Variants in RFX7 observed in about 807,000 individuals in gnomAD.
The protein encoded by RFX7 is regulatory factor X7.
Under a neutral mutation model 111.8 loss-of-function variants are expected in RFX7, and 26 were observed. The ratio of observed to expected loss-of-function variants is 0.23; its 90% CI spans 0.17 to 0.32. The LOEUF (loss-of-function observed/expected upper bound fraction) is 0.32. Ranked by LOEUF, RFX7 falls within the 10% of genes least tolerant of loss-of-function variation. The pLI, the probability that RFX7 is intolerant of heterozygous loss-of-function variation, is 1.00. For synonymous variants in RFX7, 624 were observed against 624.4 expected, an observed-to-expected ratio of 1.00 and a Z score of 0.01; for missense variants, 1,573 against 1,772.9, an observed-to-expected ratio of 0.89 and a Z score of 2.02.
chr15:56,140,438 G>T (rs1012482585), intron 5 of RFX7, among the ~76,000 whole-genome samples: 1 of 152,216 alleles, frequency 6.6e-6, no homozygotes, highest in Admixed American at 6.5e-5. Flanking sequence ...GACCCCTTGC[G>T]CTTCCCAAGT....
At chr15:56,148,470 C>G (rs533722473) in intron 3 of RFX7, among the ~76,000 whole-genome samples, 38 of 152,254 alleles carry the variant, frequency 2.5e-4, no homozygotes, top group Admixed American at 2.3e-3. Flanking sequence ...ATTATGTGAT[C>G]AAGGGGAAAA....
At chr15:56,206,996 A>G (rs570279484) in intron 2 of RFX7, among the ~76,000 whole-genome samples, 151 of 152,298 alleles carry the variant, frequency 9.9e-4, no homozygotes, top group Non-Finnish European at 1.9e-3. Flanking sequence ...AAAAATCACT[A>G]AAGTATGACT....
rs1461880134 is a variant in RFX7 at position 56,090,246 on chromosome 15, CTA to C, written c.*3097_*3098del. On this transcript the variant is annotated 3_prime_UTR_variant, in exon 10 of 10. Coordinates refer to ENST00000559447, the MANE Select transcript of RFX7 (RefSeq NM_022841.7). Reference sequence around the variant, plus strand: ...TACTCCATAGGCTAACATTTAAACACTATGTGAAAGAGAAAAAGATGGCTTTT... The same window carrying C: ...TACTCCATAGGCTAACATTTAAACACTGTGAAAGAGAAAAAGATGGCTTTT... 4.6e-5 allele frequency: 7 copies of C among 152,296 alleles called. No individual in the cohort carries two copies. Among genetic ancestry groups the C allele is most frequent in the Admixed American group, 2.6e-4 (4 of 15,300 alleles). The allele number at this position is 152,296 out of a possible 1,614,324, so 9.4% of individuals were successfully genotyped here.
intron 5 of RFX7, among the ~76,000 whole-genome samples, chr15:56,104,376 G>A (rs1349939104): frequency 6.6e-6 from 1 of 152,166 alleles, no homozygotes; most frequent in East Asian, 1.9e-4. Context: ...TCCTCTACCA[G>A]TTCAGCAGCA....
At chr15:56,189,499 CA>C (rs1326252381) in intron 2 of RFX7, among the ~76,000 whole-genome samples, 1 of 151,264 alleles carries the variant, frequency 6.6e-6, no homozygotes, top group Non-Finnish European at 1.5e-5. Flanking sequence ...ACATATCTGA[CA>C]AAAGACTTAT....
chr15:56,214,432 T>C (rs975897589), intron 2 of RFX7, among the ~76,000 whole-genome samples: 3 of 152,154 alleles, frequency 2.0e-5, no homozygotes, highest in Non-Finnish European at 2.9e-5. Flanking sequence ...TCTCCTATAA[T>C]AGGTCAGGCG....
At chr15:56,218,766 G>A (rs2043394614) in intron 2 of RFX7, among the ~76,000 whole-genome samples, 2 of 152,162 alleles carry the variant, frequency 1.3e-5, no homozygotes, top group African/African-American at 4.8e-5. Flanking sequence ...AATACATTGT[G>A]CTTTATGTAC....
At chr15:56,116,169 A>C (rs1406760915) in intron 5 of RFX7, among the ~76,000 whole-genome samples, 1 of 152,226 alleles carries the variant, frequency 6.6e-6, no homozygotes, top group Non-Finnish European at 1.5e-5. Context: ...GTAAAAGGAT[A>C]AATTCAAATT....
At chr15:56,166,186 G>T (rs1403107435) in intron 3 of RFX7, among the ~76,000 whole-genome samples, 1 of 152,174 alleles carries the variant, frequency 6.6e-6, no homozygotes, top group Non-Finnish European at 1.5e-5. Context: ...ATGAGCCACG[G>T]CAACCAGCCT....
intron 2 of RFX7, among the ~76,000 whole-genome samples, chr15:56,231,756 A>T (rs755381955): frequency 6.6e-6 from 1 of 152,190 alleles, no homozygotes; most frequent in Non-Finnish European, 1.5e-5. Flanking sequence ...ACCCAAGACA[A>T]GGCAAATCCC....
At chr15:56,163,260 C>T (rs1031809789) in intron 3 of RFX7, among the ~76,000 whole-genome samples, 3 of 152,038 alleles carry the variant, frequency 2.0e-5, no homozygotes, top group African/African-American at 7.2e-5. Flanking sequence ...CTCTGGAGGG[C>T]AGGAAAGTAA....
At chr15:56,234,423 A>C (rs975134306) in intron 2 of RFX7, among the ~76,000 whole-genome samples, 6 of 152,208 alleles carry the variant, frequency 3.9e-5, no homozygotes, top group African/African-American at 1.2e-4. Flanking sequence ...GTACATGTAG[A>C]ATCTGCCTAA....
At position 56,214,714 on chromosome 15, in the gene RFX7, C is replaced by CAA. The variant is rs527416979; in HGVS notation, c.161+28409_161+28410dup. ...TGGGCAAAAGAGCGAGACTCTGTCT[C>CAA]AAAAAAAAAAAAAAAAAAATTCTAG... On this transcript the variant is annotated intron_variant, in intron 2 of 9. Transcript: ENST00000559447. Among the ~76,000 whole-genome samples, 525 of 86,908 alleles carry CAA rather than the reference C, an allele frequency of 6.0e-3. 11 individuals are homozygous for CAA. Among genetic ancestry groups the CAA allele is most frequent in the African/African-American group, 0.024 (498 of 21,022 alleles). 57.0% of individuals were successfully genotyped at this position (86,908 alleles called of 152,430 possible).
At chr15:56,140,796 T>A (rs1299007826) in intron 5 of RFX7, among the ~76,000 whole-genome samples, 1 of 152,220 alleles carries the variant, frequency 6.6e-6, no homozygotes, top group African/African-American at 2.4e-5. Flanking sequence ...TTTATGGGAA[T>A]CTTTGAAAAA....
At position 56,217,513 on chromosome 15, in the gene RFX7, C is replaced by T. The variant is rs544089185; in HGVS notation, c.161+25612G>A. ...TACTCTGAATTTGTGTGATTGCTTT[C>T]TCTTGATGTCATAAAGGAATGCATG... is the stretch of plus-strand genomic sequence containing the variant. On this transcript the variant is annotated intron_variant, in intron 2 of 9. Coordinates refer to ENST00000559447, the MANE Select transcript of RFX7 (RefSeq NM_022841.7). Among the ~76,000 whole-genome samples, 16 of 149,982 alleles carry T rather than the reference C, an allele frequency of 1.1e-4. No individual in the cohort carries two copies. In the South Asian group the frequency reaches 2.5e-3, roughly 24 times the overall value.
chr15:56,214,511 C>A (rs560234709), intron 2 of RFX7, among the ~76,000 whole-genome samples: 1 of 151,140 alleles, frequency 6.6e-6, no homozygotes, highest in African/African-American at 2.4e-5. Flanking sequence ...GTCAGGAGAT[C>A]GAGACCATCC....
At chr15:56,115,332 C>T (rs1388217044) in intron 5 of RFX7, among the ~76,000 whole-genome samples, 1 of 152,156 alleles carries the variant, frequency 6.6e-6, no homozygotes, top group African/African-American at 2.4e-5. Context: ...CTGTGCCCAG[C>T]TAAAATAACT....
intron 4 of RFX7, among the ~76,000 whole-genome samples, chr15:56,143,634 AGCT>A (rs1383821161): frequency 2.0e-5 from 3 of 152,204 alleles, no homozygotes; most frequent in Non-Finnish European, 4.4e-5. Flanking sequence ...CATCCATCTC[AGCT>A]ATCTGTAAGA....
chr15:56,240,127 A>T (rs1435621569), intron 2 of RFX7, among the ~76,000 whole-genome samples: 1 of 151,818 alleles, frequency 6.6e-6, no homozygotes, highest in Non-Finnish European at 1.5e-5. Flanking sequence ...TTTAACAACA[A>T]AAAGCTAATT....
Sources: allele counts gnomAD v4.1 joint callset (sites outside exome capture counted in the v4.1 genomes callset), GRCh38; gene constraint gnomAD v4.1.1; transcripts MANE v1.5; gene names NCBI Gene and HGNC (gene_info 2026-07-23, HGNC 2026-07-21).